Variants in ANKS1A observed in about 807,000 individuals in gnomAD.
The protein encoded by ANKS1A is ankyrin repeat and SAM domain-containing protein 1A.
ANKS1A carries 55 observed loss-of-function variants against 120.3 expected under a neutral mutation model. That is an observed-to-expected ratio of 0.46 (90% CI 0.37 to 0.57). ANKS1A has a LOEUF of 0.57. Among genes scored for constraint, ANKS1A ranks in the 20% least tolerant of loss-of-function variants. ANKS1A has a pLI of 0.00. For missense variants in ANKS1A, 1,123 were observed against 1,480.3 expected (o/e 0.76, Z 3.96); for synonymous variants, 590 against 604.7 (o/e 0.98, Z 0.36).
At chr6:35,028,755 A>G (rs1774754195) in intron 11 of ANKS1A, among the ~76,000 whole-genome samples, 1 of 152,178 alleles carries the variant, frequency 6.6e-6, no homozygotes, top group African/African-American at 2.4e-5. Context: ...ATTCTAATTG[A>G]GTACATGAAG....
chr6:34,955,899 G>A lies in ANKS1A; in HGVS notation c.198-11340G>A, dbSNP rs139320837. ...GCGCTTAATTCTTTGTATGCAAGCT[G>A]TTTTTTTACTCTCAAACTGTGTTCT... On this transcript the variant is annotated intron_variant, in intron 1 of 23. Coordinates refer to ENST00000360359, the MANE Select transcript of ANKS1A (RefSeq NM_015245.3). Among the ~76,000 whole-genome samples, 13 of 152,132 alleles carry A rather than the reference G, an allele frequency of 8.5e-5. No homozygotes were observed. In the East Asian group the frequency reaches 2.5e-3, roughly 29 times the overall value.
intron 1 of ANKS1A, among the ~76,000 whole-genome samples, chr6:34,960,065 G>T (rs576007670): frequency 6.6e-6 from 1 of 152,120 alleles, no homozygotes; most frequent in South Asian, 2.1e-4. Context: ...ATCTCTGTGG[G>T]CGGAGCTCCC....
chr6:34,993,089 G>A (rs190052886), intron 9 of ANKS1A, among the ~76,000 whole-genome samples: 12 of 152,292 alleles, frequency 7.9e-5, no homozygotes, highest in African/African-American at 2.9e-4. Flanking sequence ...TTTGTAATAC[G>A]TTACTTGTCC....
intron 11 of ANKS1A, 141 bp downstream of exon 11, chr6:35,018,200 TG>T: frequency 1.2e-6 from 1 of 832,378 alleles, no homozygotes; most frequent in Non-Finnish European, 1.9e-6. Context: ...AATGTATTTC[TG>T]ACAATCGTAA....
intron 11 of ANKS1A, among the ~76,000 whole-genome samples, chr6:35,039,877 G>C (rs923138550): frequency 1.3e-5 from 2 of 152,206 alleles, no homozygotes; most frequent in Non-Finnish European, 2.9e-5. Context: ...TCTAGAGGCT[G>C]GGAAGTCCAA....
chr6:34,900,845 T>TA lies in ANKS1A; in HGVS notation c.197+11257dup, dbSNP rs879829769. On this transcript the variant is annotated intron_variant, in intron 1 of 23. Coordinates refer to ENST00000360359, the MANE Select transcript of ANKS1A (RefSeq NM_015245.3). ...ACTACATACAGTGAGGTAGGCTCAT[T>TA]AAAAAAAAAAATTGGCAAATTCCCT... Among the ~76,000 whole-genome samples the TA allele has an allele frequency of 8.5e-3, 1,254 of 147,042 alleles. 21 individuals carry two copies. The highest frequency in any genetic ancestry group is 0.026 in the African/African-American group (1,059 of 40,454).
Position 34,982,872 on chromosome 6 carries a change from G to A in ANKS1A, c.808+45G>A. The A allele has an allele frequency of 6.2e-7, 1 of 1,613,096 alleles. No homozygotes were observed. Among genetic ancestry groups the A allele is most frequent in the South Asian group, 1.1e-5 (1 of 91,032 alleles). ...CTTGTCTACACAGCGTGCCAGGGTT[G>A]GGATTGTTTCTCCCTAGTCCCCTAG... On this transcript the variant is annotated intron_variant, in intron 5 of 23. Coordinates refer to ENST00000360359, the MANE Select transcript of ANKS1A (RefSeq NM_015245.3). The surrounding 1 kb of genome is among the most constrained non-coding windows in gnomAD (Gnocchi z 4.9).
chr6:34,982,793 C>T lies in ANKS1A; in HGVS notation c.774C>T (p.Gly258=), dbSNP rs762193726. The change falls in exon 5 of 24, where the codon GGC becomes GGT. Residue 258 remains glycine, a synonymous_variant. Coordinates refer to ENST00000360359, the MANE Select transcript of ANKS1A (RefSeq NM_015245.3). The surrounding 1 kb of genome is among the most constrained non-coding windows in gnomAD (Gnocchi z 4.9). ...GSALHEAALF[G]KTDVVQILLA... Reference sequence around the variant, plus strand: ...CTTTGCATGAGGCTGCTTTGTTTGGCAAGACCGATGTGGTGCAAATCCTGC... The same window carrying T: ...CTTTGCATGAGGCTGCTTTGTTTGGTAAGACCGATGTGGTGCAAATCCTGC... The T allele has an allele frequency of 6.2e-7, 1 of 1,614,240 alleles. No individual in the cohort carries two copies. The highest frequency in any genetic ancestry group is 1.6e-4 in the Middle Eastern group (1 of 6,062).
chr6:35,069,723 T>A (rs921790626), intron 13 of ANKS1A, among the ~76,000 whole-genome samples: 28 of 151,254 alleles, frequency 1.9e-4, no homozygotes, highest in African/African-American at 5.6e-4. Flanking sequence ...ATATATTTTT[T>A]TTTTTAAGAG....
chr6:35,086,057 G>C lies in ANKS1A; in HGVS notation c.3303+121G>C. The stretch of plus-strand genomic sequence containing the variant: ...CAGAAAGCTGGCCCTCCAGGGAAAT[G>C]ACCCTCTTAATTGTCCCCCAACCCT... On this transcript the variant is annotated intron_variant, in intron 22 of 23. Transcript: ENST00000360359. This position sits in a 1 kb window ranked among gnomAD's most constrained non-coding sequence, Gnocchi z 5.1. 7.3e-7 allele frequency: 1 copy of C among 1,374,832 alleles called. No homozygotes were observed. Among genetic ancestry groups the C allele is most frequent in the East Asian group, 2.5e-5 (1 of 39,918 alleles). The allele number at this position is 1,374,832 out of a possible 1,614,324, so 85.2% of individuals were successfully genotyped here.
chr6:34,915,231 C>A (rs1768098698), intron 1 of ANKS1A, among the ~76,000 whole-genome samples: 1 of 152,164 alleles, frequency 6.6e-6, no homozygotes, highest in African/African-American at 2.4e-5. Context: ...TGTCTCCTTG[C>A]CCCTAGGTCA....
intron 11 of ANKS1A, among the ~76,000 whole-genome samples, chr6:35,032,100 G>T (rs990656425): frequency 3.3e-5 from 5 of 152,222 alleles, no homozygotes; most frequent in African/African-American, 1.2e-4. Flanking sequence ...TAAAGGGAGA[G>T]ATAGATATTA....
intron 3 of ANKS1A, among the ~76,000 whole-genome samples, chr6:34,973,745 A>G (rs1771299353): frequency 6.6e-6 from 1 of 152,198 alleles, no homozygotes; most frequent in Non-Finnish European, 1.5e-5. Context: ...GATTTTGTTC[A>G]GCTGTTGGGT....
At chr6:35,048,749 A>G (rs1775834340) in intron 11 of ANKS1A, among the ~76,000 whole-genome samples, 1 of 152,158 alleles carries the variant, frequency 6.6e-6, no homozygotes, top group Admixed American at 6.5e-5. Context: ...TGCAGCTGTC[A>G]GCAGTCTTTA....
intron 3 of ANKS1A, among the ~76,000 whole-genome samples, chr6:34,979,058 G>C (rs1014557877): frequency 6.6e-6 from 1 of 151,696 alleles, no homozygotes; most frequent in African/African-American, 2.4e-5. Context: ...ACCACGCCCG[G>C]GTAATTTTTT....
intron 1 of ANKS1A, among the ~76,000 whole-genome samples, chr6:34,955,480 T>C (rs773347233): frequency 1.3e-5 from 2 of 152,174 alleles, no homozygotes; most frequent in Non-Finnish European, 2.9e-5. Flanking sequence ...ACTTCCCAAA[T>C]CACAACTATA....
Position 35,090,156 on chromosome 6 carries a change from C to T in ANKS1A, c.*1547C>T, listed in dbSNP as rs367867464. 1.6e-6 allele frequency: 2 copies of T among 1,289,396 alleles called. No individual in the cohort carries two copies. The highest frequency in any genetic ancestry group is 2.0e-6 in the Non-Finnish European group (2 of 988,872). 79.9% of individuals were successfully genotyped at this position (1,289,396 alleles called of 1,614,324 possible). ...GCTCTCTCTGCGGTAGAGGCAGGCC[C>T]TCCTCCACTTCTTGGTACTAAACGA... is the stretch of plus-strand genomic sequence containing the variant. On this transcript the variant is annotated 3_prime_UTR_variant, in exon 24 of 24. Coordinates refer to ENST00000360359, the MANE Select transcript of ANKS1A (RefSeq NM_015245.3).
intron 10 of ANKS1A, among the ~76,000 whole-genome samples, 173 bp downstream of exon 10, chr6:34,994,595 A>G (rs934699236): frequency 1.3e-5 from 2 of 152,030 alleles, no homozygotes; most frequent in Admixed American, 1.3e-4. Flanking sequence ...CCAATACCTG[A>G]CCTATATGCT....
At chr6:34,929,512 T>C (rs1476564797) in intron 1 of ANKS1A, among the ~76,000 whole-genome samples, 1 of 152,226 alleles carries the variant, frequency 6.6e-6, no homozygotes, top group Non-Finnish European at 1.5e-5. Flanking sequence ...CATACAGATA[T>C]CTATTCTAGT....
Sources: allele counts gnomAD v4.1 joint callset (sites outside exome capture counted in the v4.1 genomes callset), GRCh38; gene constraint gnomAD v4.1.1; non-coding constraint Gnocchi (gnomAD v3.1); transcripts MANE v1.5; gene names NCBI Gene and HGNC (gene_info 2026-07-23, HGNC 2026-07-21).